ZNF385D: variants seen among roughly 807,000 people sequenced by gnomAD.
The protein encoded by ZNF385D is zinc finger protein 385D, also known as zinc finger protein 659.
In ZNF385D, 15 loss-of-function variants were observed where a neutral mutation model predicts 35.8. That is an observed-to-expected ratio of 0.42 (90% confidence interval 0.28 to 0.64). The LOEUF is 0.64. Ranked by LOEUF, ZNF385D falls within the 30% of genes least tolerant of loss-of-function variation. The probability of loss-of-function intolerance (pLI) is 0.23; values close to 1 mark genes in which losing one functional copy is unlikely to be tolerated. For synonymous variants in ZNF385D, 212 were observed against 186.8 expected, an observed-to-expected ratio of 1.13 and a Z score of -1.10; for missense variants, 474 against 494.6, an observed-to-expected ratio of 0.96 and a Z score of 0.39.
At chr3:21,552,520 A>T (rs905006898) in intron 3 of ZNF385D, among the ~76,000 whole-genome samples, 11 of 152,248 alleles carry the variant, frequency 7.2e-5, no homozygotes, top group Non-Finnish European at 1.2e-4. Context: ...AAAGGTTGGT[A>T]TGTCATTTAT....
chr3:21,790,002 A>G (rs1427709272), intron 3 of ZNF385D, among the ~76,000 whole-genome samples: 1 of 152,170 alleles, frequency 6.6e-6, no homozygotes, highest in Non-Finnish European at 1.5e-5. Flanking sequence ...CTAGCCTCAG[A>G]TAGATGTACA....
intron 2 of ZNF385D, among the ~76,000 whole-genome samples, chr3:22,365,051 TAG>T (rs1383304782): frequency 1.3e-5 from 2 of 151,964 alleles, no homozygotes; most frequent in Non-Finnish European, 2.9e-5. Flanking sequence ...AAATCAATCA[TAG>T]AGACAGAAAA....
At chr3:21,667,218 G>GGC (rs2066434436) in intron 1 of ZNF385D, among the ~76,000 whole-genome samples, 1 of 152,152 alleles carries the variant, frequency 6.6e-6, no homozygotes, top group Admixed American at 6.5e-5. Flanking sequence ...CTGGAGTGCT[G>GGC]TGGTGCCATT....
At chr3:22,061,717 A>C (rs561963262) in intron 3 of ZNF385D, among the ~76,000 whole-genome samples, 1 of 152,276 alleles carries the variant, frequency 6.6e-6, no homozygotes, top group South Asian at 2.1e-4. Flanking sequence ...CATCACATCA[A>C]AAATATGTCT....
intron 3 of ZNF385D, among the ~76,000 whole-genome samples, chr3:21,889,754 C>A (rs1698746131): frequency 6.6e-6 from 1 of 152,114 alleles, no homozygotes; most frequent in African/African-American, 2.4e-5. Context: ...GTACCATAAA[C>A]TGAATGGCTT....
At chr3:21,461,967 T>C (rs1170185686) in intron 4 of ZNF385D, among the ~76,000 whole-genome samples, 1 of 152,238 alleles carries the variant, frequency 6.6e-6, no homozygotes, top group African/African-American at 2.4e-5. Context: ...CTTAGAGTGA[T>C]AGTTAAAAGT....
intron 2 of ZNF385D, among the ~76,000 whole-genome samples, chr3:22,366,038 T>G (rs1416858728): frequency 2.6e-5 from 4 of 152,080 alleles, no homozygotes; most frequent in Non-Finnish European, 5.9e-5. Context: ...GCTAAAATTT[T>G]TTTTTAATAT....
intron 2 of ZNF385D, among the ~76,000 whole-genome samples, chr3:22,184,351 T>C (rs1231900864): frequency 6.6e-6 from 1 of 151,180 alleles, no homozygotes; most frequent in African/African-American, 2.5e-5. Flanking sequence ...AAAATTTTTG[T>C]TTGCTTTGAC....
At chr3:22,219,264 AGT>A (rs960126731) in intron 2 of ZNF385D, among the ~76,000 whole-genome samples, 29 of 152,064 alleles carry the variant, frequency 1.9e-4, no homozygotes, top group African/African-American at 6.5e-4. Context: ...TGATATTTCT[AGT>A]CTTTTTTTCA....
intron 1 of ZNF385D, among the ~76,000 whole-genome samples, chr3:21,702,799 C>A: frequency 6.6e-6 from 1 of 152,198 alleles, no homozygotes; most frequent in East Asian, 1.9e-4. Context: ...CCACCAGTTT[C>A]TTTGCTAAAA....
intron 3 of ZNF385D, among the ~76,000 whole-genome samples, chr3:21,882,034 A>G (rs910140293): frequency 3.3e-5 from 5 of 152,026 alleles, no homozygotes; most frequent in African/African-American, 1.2e-4. Flanking sequence ...TTGAGATGGA[A>G]TCAACTCCTA....
intron 3 of ZNF385D, among the ~76,000 whole-genome samples, chr3:21,560,782 T>TG (rs1207143377): frequency 6.6e-6 from 1 of 152,100 alleles, no homozygotes; most frequent in South Asian, 2.1e-4. Context: ...CCCAGGGAGT[T>TG]GGGGGTATTA....
At chr3:22,084,666 T>A (rs1433449335) in intron 3 of ZNF385D, among the ~76,000 whole-genome samples, 1 of 152,136 alleles carries the variant, frequency 6.6e-6, no homozygotes, top group East Asian at 1.9e-4. Context: ...ATTAGACAGA[T>A]CAATGAGACA....
intron 1 of ZNF385D, among the ~76,000 whole-genome samples, chr3:21,681,810 A>G (rs2066920346): frequency 9.8e-6 from 1 of 102,558 alleles, no homozygotes; most frequent in Admixed American, 1.1e-4. Flanking sequence ...ACTTAATGTG[A>G]TGAAATGAGG....
chr3:21,730,969 AAACT>A (rs2068969531), intron 1 of ZNF385D, among the ~76,000 whole-genome samples: 1 of 152,202 alleles, frequency 6.6e-6, no homozygotes, highest in South Asian at 2.1e-4. Flanking sequence ...TGTGCTTTAA[AAACT>A]AACATTGCAT....
intron 3 of ZNF385D, among the ~76,000 whole-genome samples, chr3:21,887,375 T>C (rs1002940373): frequency 3.9e-5 from 6 of 152,260 alleles, no homozygotes; most frequent in Admixed American, 1.3e-4. Context: ...AATAAATTTA[T>C]GAAATGAAGG....
chr3:22,259,560 A>C (rs1298408163), intron 2 of ZNF385D, among the ~76,000 whole-genome samples: 1 of 151,978 alleles, frequency 6.6e-6, no homozygotes, highest in Non-Finnish European at 1.5e-5. Flanking sequence ...ATGTAACAGA[A>C]GTGCTGTGTA....
At chr3:21,566,519 A>G (rs946484870) in intron 2 of ZNF385D, among the ~76,000 whole-genome samples, 1 of 152,052 alleles carries the variant, frequency 6.6e-6, no homozygotes, top group Non-Finnish European at 1.5e-5. Flanking sequence ...AATCCCAGGT[A>G]TTCGGGAGGC....
intron 2 of ZNF385D, among the ~76,000 whole-genome samples, chr3:21,584,636 C>T (rs1053482922): frequency 6.6e-6 from 1 of 152,080 alleles, no homozygotes. Flanking sequence ...TTTTTGTCTT[C>T]TACATATATA....
Sources: allele counts gnomAD v4.1 joint callset (sites outside exome capture counted in the v4.1 genomes callset), GRCh38; gene constraint gnomAD v4.1.1; transcripts MANE v1.5; gene names NCBI Gene and HGNC (gene_info 2026-07-23, HGNC 2026-07-21).